Variants in ERO1A observed in about 807,000 individuals in gnomAD.
ERO1A encodes endoplasmic reticulum oxidoreductase 1 alpha.
In ERO1A, 49 loss-of-function variants were observed where a neutral mutation model predicts 76.9. The observed-to-expected ratio is 0.64, with a 90% CI of 0.51 to 0.81. ERO1A has a LOEUF of 0.81. Ranked by LOEUF, ERO1A falls within the 30% of genes least tolerant of loss-of-function variation. The pLI is 0.00. For missense variants in ERO1A, 448 were observed against 542.1 expected (o/e 0.83, Z 1.72); for synonymous variants, 174 against 181.2 (o/e 0.96, Z 0.32).
intron 4 of ERO1A, among the ~76,000 whole-genome samples, chr14:52,677,271 T>C (rs1327684762): frequency 6.6e-6 from 1 of 152,180 alleles, no homozygotes; most frequent in East Asian, 1.9e-4. Flanking sequence ...GTGATCAATC[T>C]TAACATCAAG....
intron 9 of ERO1A, among the ~76,000 whole-genome samples, chr14:52,659,193 TAAAAA>T (rs1282790672): frequency 6.6e-6 from 1 of 151,806 alleles, no homozygotes; most frequent in Non-Finnish European, 1.5e-5. Flanking sequence ...AGTGCCCCCT[TAAAAA>T]AGAGGTAAAT....
At chr14:52,688,125 G>T (rs2041237741) in intron 1 of ERO1A, among the ~76,000 whole-genome samples, 1 of 152,004 alleles carries the variant, frequency 6.6e-6, no homozygotes, top group Non-Finnish European at 1.5e-5. Context: ...GGTTGAGGCT[G>T]CAGTGAGCCA....
intron 9 of ERO1A, among the ~76,000 whole-genome samples, chr14:52,659,400 AT>A (rs1240627170): frequency 1.3e-5 from 2 of 152,196 alleles, no homozygotes; most frequent in African/African-American, 4.8e-5. Context: ...TATAGAAAAC[AT>A]AAATATCAAA....
At chr14:52,655,721 C>T (rs2040020750) in intron 11 of ERO1A, among the ~76,000 whole-genome samples, 1 of 150,818 alleles carries the variant, frequency 6.6e-6, no homozygotes, top group Admixed American at 6.6e-5. Context: ...TAGTCAACTT[C>T]TTGGTCATTT....
chr14:52,671,175 A>T (rs1383687129), intron 6 of ERO1A, among the ~76,000 whole-genome samples: 1 of 152,198 alleles, frequency 6.6e-6, no homozygotes, highest in Non-Finnish European at 1.5e-5. Flanking sequence ...CCAGAACTTC[A>T]TTCCTTTTTC....
intron 11 of ERO1A, among the ~76,000 whole-genome samples, chr14:52,656,628 C>G (rs2040055119): frequency 6.7e-6 from 1 of 149,130 alleles, no homozygotes; most frequent in Non-Finnish European, 1.5e-5. Context: ...AGGAGAATCA[C>G]TTGAACCCAG....
At chr14:52,685,229 T>C (rs758682264) in intron 1 of ERO1A, among the ~76,000 whole-genome samples, 41 of 152,188 alleles carry the variant, frequency 2.7e-4, no homozygotes, top group Non-Finnish European at 5.6e-4. Flanking sequence ...ATACTTTGGA[T>C]GACAACAGCA....
intron 11 of ERO1A, among the ~76,000 whole-genome samples, chr14:52,655,446 G>C (rs2040013241): frequency 6.6e-6 from 1 of 152,104 alleles, no homozygotes. Flanking sequence ...AGTATTAGGA[G>C]AGTTAATGGT....
chr14:52,642,077 G>A lies in ERO1A; in HGVS notation c.*1493C>T, dbSNP rs1410434073. On this transcript the variant is annotated 3_prime_UTR_variant, in exon 16 of 16. Coordinates refer to ENST00000395686, the MANE Select transcript of ERO1A (RefSeq NM_014584.3). The stretch of plus-strand genomic sequence containing the variant: ...GATAAGACATATGTAAAGAGGGCAC[G>A]ATTTTGAGGTATATAGCTTCTTTTT... 2 of 152,104 alleles carry A rather than the reference G, an allele frequency of 1.3e-5. No individual in the cohort carries two copies. The highest frequency in any genetic ancestry group is 2.4e-5 in the African/African-American group (1 of 41,424). 9.4% of individuals were successfully genotyped at this position (152,104 alleles called of 1,614,324 possible).
Position 52,672,048 on chromosome 14 carries a change from T to C in ERO1A, c.358-177A>G, listed in dbSNP as rs1476007448. 5.9e-6 allele frequency: 3 copies of C among 512,734 alleles called. No individual in the cohort carries two copies. In the African/African-American group the frequency reaches 6.0e-5, roughly 10 times the overall value. The allele number at this position is 512,734 out of a possible 1,614,324, so 31.8% of individuals were successfully genotyped here. On this transcript the variant is annotated intron_variant, in intron 4 of 15. Coordinates refer to ENST00000395686, the MANE Select transcript of ERO1A (RefSeq NM_014584.3). ...GGCCAGGTACGGTGGCTCACGCCTA[T>C]AATCCCGGCACTGTGGGAGCCCGAG...
chr14:52,679,590 G>A (rs1215197264), intron 3 of ERO1A, among the ~76,000 whole-genome samples: 1 of 151,838 alleles, frequency 6.6e-6, no homozygotes, highest in Non-Finnish European at 1.5e-5. Flanking sequence ...TAGAGACAGG[G>A]TTTCACCATG....
chr14:52,694,121 C>G (rs535160376), intron 1 of ERO1A, among the ~76,000 whole-genome samples: 87 of 151,664 alleles, frequency 5.7e-4, no homozygotes, highest in Non-Finnish European at 9.4e-4. Context: ...ATCTTCTTTC[C>G]GTAAAGAATA....
chr14:52,657,710 AAAG>A (rs2139664748), intron 11 of ERO1A, among the ~76,000 whole-genome samples: 1 of 152,342 alleles, frequency 6.6e-6, no homozygotes, highest in African/African-American at 2.4e-5. Context: ...CAGCTTCTTA[AAAG>A]AAGGTGAAGA....
Position 52,652,253 on chromosome 14 carries a change from CTTCT to C in ERO1A, c.1107_1110del (p.Glu370HisfsTer4). 6.2e-7 allele frequency: 1 copy of C among 1,604,338 alleles called. No homozygotes were observed. On this transcript the variant is annotated frameshift_variant, in exon 13 of 16. Coordinates refer to ENST00000395686, the MANE Select transcript of ERO1A (RefSeq NM_014584.3). LOFTEE classifies it high-confidence loss of function. ...AAAGTAATTACCTTTAGTTTGTGTG[CTTCT>C]TTTTTATCCCCAGCAAAAAATGAAT... is the stretch of plus-strand genomic sequence containing the variant.
At chr14:52,650,399 T>C (rs1355667923) in intron 13 of ERO1A, among the ~76,000 whole-genome samples, 1 of 151,704 alleles carries the variant, frequency 6.6e-6, no homozygotes, top group Non-Finnish European at 1.5e-5. Flanking sequence ...TGTGTTTCAG[T>C]ACCTGTTCAG....
intron 1 of ERO1A, among the ~76,000 whole-genome samples, chr14:52,686,749 T>G (rs2025136): frequency 0.17 from 25,481 of 151,844 alleles, 2,240 homozygotes; most frequent in East Asian, 0.23. Context: ...GTGGCACATG[T>G]CTGTAGTCCC....
At chr14:52,692,856 A>AT (rs1226626039) in intron 1 of ERO1A, among the ~76,000 whole-genome samples, 1 of 150,776 alleles carries the variant, frequency 6.6e-6, no homozygotes. Flanking sequence ...ATGTCTGTCT[A>AT]TATGCTTGCC....
In ERO1A at chr14:52,661,307, GA is replaced by G; in HGVS notation, c.677-4del. 7.2e-7 allele frequency: 1 copy of G among 1,381,514 alleles called. No homozygotes were observed. Among genetic ancestry groups the G allele is most frequent in the South Asian group, 1.7e-5 (1 of 59,218 alleles). The allele number at this position is 1,381,514 out of a possible 1,614,324, so 85.6% of individuals were successfully genotyped here. ...ATTATACTTACCTTCACTTGTCCCTGAAAAGCAAAACAAAATGTTTATTAAA... is the reference window on the plus strand; with the variant it reads ...ATTATACTTACCTTCACTTGTCCCTGAAAGCAAAACAAAATGTTTATTAAA... On this transcript the variant is annotated splice_polypyrimidine_tract_variant and splice_region_variant and intron_variant, in intron 8 of 15. Coordinates refer to ENST00000395686, the MANE Select transcript of ERO1A (RefSeq NM_014584.3).
At chr14:52,672,531 G>T (rs888836212) in intron 4 of ERO1A, among the ~76,000 whole-genome samples, 1 of 151,812 alleles carries the variant, frequency 6.6e-6, no homozygotes, top group African/African-American at 2.4e-5. Flanking sequence ...CACTTTGGAA[G>T]GCCAAAGTGG....
Sources: gnomAD v4.1 joint callset for allele counts (sites outside exome capture counted in the v4.1 genomes callset) on GRCh38, gnomAD v4.1.1 for gene constraint, MANE v1.5 for transcripts, NCBI Gene and HGNC (gene_info 2026-07-23, HGNC 2026-07-21) for gene names.